The following KIRREL3 variants were observed in gnomAD, a reference collection of about 807,000 sequenced individuals.
KIRREL3 encodes the protein kin of IRRE-like protein 3.
Under a neutral mutation model 89.7 loss-of-function variants are expected in KIRREL3, and 36 were observed. That is an observed-to-expected ratio of 0.40 (90% CI 0.31 to 0.53). The LOEUF (loss-of-function observed/expected upper bound fraction) is 0.53. Among genes scored for constraint, KIRREL3 ranks in the 20% least tolerant of loss-of-function variants. KIRREL3 has a pLI of 0.49. For synonymous variants in KIRREL3, 445 were observed against 441.4 expected, an observed-to-expected ratio of 1.01 and a Z score of -0.10; for missense variants, 864 against 1,056.6, an observed-to-expected ratio of 0.82 and a Z score of 2.53.
Position 126,752,452 on chromosome 11 carries a change from A to G in KIRREL3, c.56-189540T>C, listed in dbSNP as rs1949365450. 6.6e-6 allele frequency among the ~76,000 whole-genome samples: 1 copy of G among 152,230 alleles called. No individual in the cohort carries two copies. Among genetic ancestry groups the G allele is most frequent in the African/African-American group, 2.4e-5 (1 of 41,450 alleles). On this transcript the variant is annotated intron_variant, in intron 1 of 16. Coordinates refer to ENST00000525144, the MANE Select transcript of KIRREL3 (RefSeq NM_032531.4). The surrounding 1 kb of genome is among the most constrained non-coding windows in gnomAD (Gnocchi z 4.8). Reference sequence around the variant, plus strand: ...ATGTAGCTATGGAATTAACATTATCATTACAGTGCTAATAATAATAATTGC... The same window carrying G: ...ATGTAGCTATGGAATTAACATTATCGTTACAGTGCTAATAATAATAATTGC...
Position 126,697,718 on chromosome 11 carries a change from C to T in KIRREL3, c.56-134806G>A, listed in dbSNP as rs142685927. On this transcript the variant is annotated intron_variant, in intron 1 of 16. Transcript: ENST00000525144. The surrounding 1 kb of genome is among the most constrained non-coding windows in gnomAD (Gnocchi z 4.2). ...TAAATGCTCATTCAGCCTCACTTGC[C>T]GGGGACTCAGCTTCTCCCGGGGCCT... is the stretch of plus-strand genomic sequence containing the variant. 1.9e-3 allele frequency among the ~76,000 whole-genome samples: 291 copies of T among 152,312 alleles called. No individual in the cohort carries two copies. Among genetic ancestry groups the T allele is most frequent in the African/African-American group, 6.2e-3 (259 of 41,580 alleles).
chr11:126,574,047 A>G lies in KIRREL3; in HGVS notation c.56-11135T>C, dbSNP rs574157. On this transcript the variant is annotated intron_variant, in intron 1 of 16. Coordinates refer to ENST00000525144, the MANE Select transcript of KIRREL3 (RefSeq NM_032531.4). This position sits in a 1 kb window ranked among gnomAD's most constrained non-coding sequence, Gnocchi z 5.3. ...CATGGAAGCCCCTTACAGGCCCCAG[A>G]CAAGGGGCTTCATTCTGAGGGACTA... 0.23 allele frequency among the ~76,000 whole-genome samples: 35,402 copies of G among 152,216 alleles called. 4,608 individuals are homozygous for G. Among genetic ancestry groups the G allele is most frequent in the Non-Finnish European group, 0.3 (20,605 of 68,000 alleles).
intron 1 of KIRREL3, among the ~76,000 whole-genome samples, chr11:126,889,695 C>G (rs1314693451): frequency 1.3e-5 from 2 of 152,114 alleles, no homozygotes; most frequent in South Asian, 2.1e-4. Context: ...CACATTGAGA[C>G]GACAGCTTCT....
At chr11:126,841,239 C>T (rs1943953346) in intron 1 of KIRREL3, among the ~76,000 whole-genome samples, 1 of 152,168 alleles carries the variant, frequency 6.6e-6, no homozygotes, top group African/African-American at 2.4e-5. Flanking sequence ...TCTAGAGGGC[C>T]CTCATCCTGT....
chr11:126,977,900 A>G lies in KIRREL3; in HGVS notation c.55+22555T>C, dbSNP rs549687687. On this transcript the variant is annotated intron_variant, in intron 1 of 16. Coordinates refer to ENST00000525144, the MANE Select transcript of KIRREL3 (RefSeq NM_032531.4). This position sits in a 1 kb window ranked among gnomAD's most constrained non-coding sequence, Gnocchi z 4.7. ...ATATTTTGGATCAGGAAAGAGCATC[A>G]ATTTCCTGTGTACCACACAGTCAGA... is the stretch of plus-strand genomic sequence containing the variant. 2.0e-5 allele frequency among the ~76,000 whole-genome samples: 3 copies of G among 152,064 alleles called. No homozygotes were observed. Among genetic ancestry groups the G allele is most frequent in the Non-Finnish European group, 4.4e-5 (3 of 68,004 alleles).
Position 126,561,555 on chromosome 11 carries a change from T to C in KIRREL3, c.133+1280A>G, listed in dbSNP as rs779402987. On this transcript the variant is annotated intron_variant, in intron 2 of 16. Coordinates refer to ENST00000525144, the MANE Select transcript of KIRREL3 (RefSeq NM_032531.4). This position sits in a 1 kb window ranked among gnomAD's most constrained non-coding sequence, Gnocchi z 4.5. The stretch of plus-strand genomic sequence containing the variant: ...TAGCAGTCTTGTCAAGGCAGTGGTG[T>C]TGGGGAGGGAAGGGGAGGCTGAGAA... Among the ~76,000 whole-genome samples, 13 of 152,182 alleles carry C rather than the reference T, an allele frequency of 8.5e-5. No homozygotes were observed. The highest frequency in any genetic ancestry group is 1.5e-4 in the Non-Finnish European group (10 of 68,010).
At chr11:126,765,609 G>A (rs948614328) in intron 1 of KIRREL3, among the ~76,000 whole-genome samples, 4 of 152,004 alleles carry the variant, frequency 2.6e-5, no homozygotes, top group Admixed American at 6.6e-5. Context: ...CCTTTCCTTC[G>A]GGCTCCAGTA....
intron 2 of KIRREL3, among the ~76,000 whole-genome samples, chr11:126,548,018 T>C (rs757462298): frequency 6.6e-6 from 1 of 152,166 alleles, no homozygotes; most frequent in Non-Finnish European, 1.5e-5. Context: ...GAGGATTAGA[T>C]GGTGCAAGTG....
intron 1 of KIRREL3, among the ~76,000 whole-genome samples, chr11:126,982,157 A>G (rs1949740050): frequency 6.6e-6 from 1 of 152,210 alleles, no homozygotes; most frequent in Non-Finnish European, 1.5e-5. Flanking sequence ...AGGTTCCTCA[A>G]GGGCTGAACA....
chr11:126,803,209 A>C (rs1565744995), intron 1 of KIRREL3, among the ~76,000 whole-genome samples: 1 of 152,180 alleles, frequency 6.6e-6, no homozygotes, highest in Non-Finnish European at 1.5e-5. Flanking sequence ...ACTTCATAAG[A>C]AAGTGTGAGA....
intron 1 of KIRREL3, among the ~76,000 whole-genome samples, chr11:126,693,278 G>A (rs1276468491): frequency 3.3e-5 from 5 of 152,092 alleles, no homozygotes; most frequent in African/African-American, 1.2e-4. Flanking sequence ...AAAATTAGCC[G>A]GGCGTGGTGG....
rs187155308 is a variant in KIRREL3, at chr11:126,596,530, C to T, written c.56-33618G>A. Among the ~76,000 whole-genome samples, 11 of 152,300 alleles carry T rather than the reference C, an allele frequency of 7.2e-5. No individual in the cohort carries two copies. In the East Asian group the frequency reaches 2.1e-3, roughly 29 times the overall value. On this transcript the variant is annotated intron_variant, in intron 1 of 16. Transcript: ENST00000525144. ...GAATGTGATGACCTCGGCCCCAGGG[C>T]CAAGATATGTTCTTGCCATGTTTCT...
intron 1 of KIRREL3, among the ~76,000 whole-genome samples, chr11:126,962,620 C>G (rs532093361): frequency 2.0e-5 from 3 of 152,146 alleles, no homozygotes; most frequent in Non-Finnish European, 2.9e-5. Flanking sequence ...ATCCAATAAG[C>G]TTAGGTGATA....
rs2135126979 is a variant in KIRREL3 at position 126,689,356 on chromosome 11, C to G, written c.56-126444G>C. Among the ~76,000 whole-genome samples, 1 of 152,314 alleles carries G rather than the reference C, an allele frequency of 6.6e-6. No individual in the cohort carries two copies. The highest frequency in any genetic ancestry group is 2.4e-5 in the African/African-American group (1 of 41,578). Reference sequence around the variant, plus strand: ...AGGCTGACCAGGCCATGGAGCTGCCCAGACCCCCTGGGAGCCCAGAGTCCC... The same window carrying G: ...AGGCTGACCAGGCCATGGAGCTGCCGAGACCCCCTGGGAGCCCAGAGTCCC... On this transcript the variant is annotated intron_variant, in intron 1 of 16. Coordinates refer to ENST00000525144, the MANE Select transcript of KIRREL3 (RefSeq NM_032531.4). This position sits in a 1 kb window ranked among gnomAD's most constrained non-coding sequence, Gnocchi z 5.2.
intron 1 of KIRREL3, among the ~76,000 whole-genome samples, chr11:126,667,357 G>A (rs1409874833): frequency 6.6e-6 from 1 of 152,220 alleles, no homozygotes; most frequent in Non-Finnish European, 1.5e-5. Flanking sequence ...AGAAATGGCT[G>A]CTGGAGCAAC....
At chr11:126,451,775 T>C (rs572931299) in intron 7 of KIRREL3, among the ~76,000 whole-genome samples, 1 of 151,686 alleles carries the variant, frequency 6.6e-6, no homozygotes, top group Non-Finnish European at 1.5e-5. Context: ...GAGAGAGAGT[T>C]CTCCGTTTCC....
chr11:126,451,063 GCATGTGCA>G (rs1210730465), intron 7 of KIRREL3, among the ~76,000 whole-genome samples: 3 of 132,436 alleles, frequency 2.3e-5, no homozygotes, highest in Non-Finnish European at 5.0e-5. Flanking sequence ...ATGTGTGCAT[GCATGTGCA>G]TGTGTGTGCG....
At position 126,564,973 on chromosome 11, in the gene KIRREL3, A is replaced by T. The variant is rs1165467914; in HGVS notation, c.56-2061T>A. Among the ~76,000 whole-genome samples the T allele has an allele frequency of 6.6e-6, 1 of 152,182 alleles. No individual in the cohort carries two copies. Among genetic ancestry groups the T allele is most frequent in the Non-Finnish European group, 1.5e-5 (1 of 68,036 alleles). ...TGACAATTCCTATTATATTTTTGCC[A>T]TTGACTTCGTATGCCCATCTAAAGC... is the stretch of plus-strand genomic sequence containing the variant. On this transcript the variant is annotated intron_variant, in intron 1 of 16. Transcript: ENST00000525144. This position sits in a 1 kb window ranked among gnomAD's most constrained non-coding sequence, Gnocchi z 7.4.
intron 1 of KIRREL3, among the ~76,000 whole-genome samples, chr11:126,886,028 C>T (rs1434126602): frequency 6.6e-6 from 1 of 152,176 alleles, no homozygotes; most frequent in Non-Finnish European, 1.5e-5. Flanking sequence ...CTCATCTGCT[C>T]TTCTCTAGCT....
Sources: gnomAD v4.1 joint callset for allele counts (sites outside exome capture counted in the v4.1 genomes callset) on GRCh38, gnomAD v4.1.1 for gene constraint, Gnocchi (gnomAD v3.1) non-coding constraint, MANE v1.5 for transcripts, NCBI Gene and HGNC (gene_info 2026-07-23, HGNC 2026-07-21) for gene names.